Variants in B3GNT4 observed in about 807,000 individuals in gnomAD.
B3GNT4 encodes N-acetyllactosaminide beta-1,3-N-acetylglucosaminyltransferase 4.
A neutral mutation model predicts 2.7 loss-of-function variants in B3GNT4; 2 were observed. The observed-to-expected ratio is 0.73, with a 90% CI of 0.30 to 2.31. The LOEUF (loss-of-function observed/expected upper bound fraction) is 2.31, where lower values mean the gene tolerates loss of function less well. Among genes scored for constraint, B3GNT4 ranks in the 30% most tolerant of loss-of-function variants. B3GNT4 has a pLI of 0.12. For missense variants in B3GNT4, 708 were observed against 490.9 expected, an observed-to-expected ratio of 1.44 and a Z score of -4.18; for synonymous variants, 280 against 203.4, an observed-to-expected ratio of 1.38 and a Z score of -3.20.
chr12:122,207,132 T>G lies in B3GNT4; in HGVS notation c.881T>G (p.Ile294Ser). ...GCCACAGTGCGGCGCCTCCAGGCTA[T>G]CATGGAAGATGCTGAACTCTTCCCC... is the stretch of plus-strand genomic sequence containing the variant. The part of the protein sequence containing the change: ...SRATVRRLQA[I>S]MEDAELFPID... The change falls in exon 3 of 3, where the codon ATC becomes AGC. Residue 294 changes from isoleucine to serine, a missense_variant. Ile to Ser is a moderately radical substitution (Grantham distance 142). Transcript: ENST00000324189. The G allele has an allele frequency of 6.2e-7, 1 of 1,614,140 alleles. No individual in the cohort carries two copies. Among genetic ancestry groups the G allele is most frequent in the Middle Eastern group, 1.6e-4 (1 of 6,062 alleles).
rs1953922198 is a variant in B3GNT4, at chr12:122,206,636, G to C, written c.385G>C (p.Gly129Arg). ...GCTCCTGGCCATCAAGTCACAGCCT[G>C]GTCACGTGGAGCGACGTGCGGCTAT... is the stretch of plus-strand genomic sequence containing the variant. The part of the protein sequence containing the change: ...FLLLAIKSQP[G>R]HVERRAAIRS... The change falls in exon 3 of 3, where the codon GGT (glycine) becomes CGT (arginine). Residue 129 changes from glycine to arginine, a missense_variant. Coordinates refer to ENST00000324189, the MANE Select transcript of B3GNT4 (RefSeq NM_030765.4). 2 of 1,613,998 alleles carry C rather than the reference G, an allele frequency of 1.2e-6. No individual in the cohort carries two copies. The highest frequency in any genetic ancestry group is 1.7e-6 in the Non-Finnish European group (2 of 1,180,030).
In B3GNT4 at chr12:122,208,800, G is replaced by A. The variant is rs776122803; in HGVS notation, c.*1412G>A. 23 of 650,024 alleles carry A rather than the reference G, an allele frequency of 3.5e-5. No individual in the cohort carries two copies. Among genetic ancestry groups the A allele is most frequent in the Non-Finnish European group, 5.4e-5 (19 of 351,884 alleles). The allele number at this position is 650,024 out of a possible 1,614,324, so 40.3% of individuals were successfully genotyped here. ...ACAGCATTTTTCTTCAGCTGTCAGCGGCCAACATCACAATTATTAAATGCA... is the reference window on the plus strand; with the variant it reads ...ACAGCATTTTTCTTCAGCTGTCAGCAGCCAACATCACAATTATTAAATGCA... On this transcript the variant is annotated 3_prime_UTR_variant, in exon 3 of 3. Transcript: ENST00000324189.
intron 1 of B3GNT4, 140 bp downstream of exon 1, chr12:122,203,941 C>G (rs1000992958): frequency 6.6e-6 from 1 of 152,020 alleles, no homozygotes; most frequent in African/African-American, 2.4e-5. Context: ...ACGCCGGCCC[C>G]GCCCGGGTGC....
chr12:122,204,714 C>A (rs761492332), intron 2 of B3GNT4, 30 bp downstream of exon 2: 3 of 1,551,890 alleles, frequency 1.9e-6, no homozygotes, highest in Non-Finnish European at 2.7e-6. Flanking sequence ...TCTGCCAGAC[C>A]CCCTTGTCCC....
In B3GNT4 at chr12:122,208,413, A is replaced by C; in HGVS notation, c.*1025A>C. 1 of 1,612,800 alleles carries C rather than the reference A, an allele frequency of 6.2e-7. No homozygotes were observed. Among genetic ancestry groups the C allele is most frequent in the Non-Finnish European group, 8.5e-7 (1 of 1,179,882 alleles). On this transcript the variant is annotated 3_prime_UTR_variant, in exon 3 of 3. Transcript: ENST00000324189. ...TCACGCAGGTAGGCCTCCTGCTCCGACTCAGCCCGCTCCTCCCCTTCCTCC... is the reference window on the plus strand; with the variant it reads ...TCACGCAGGTAGGCCTCCTGCTCCGCCTCAGCCCGCTCCTCCCCTTCCTCC...
rs778246669 is a variant in B3GNT4, at chr12:122,208,114, G to C, written c.*726G>C. On this transcript the variant is annotated 3_prime_UTR_variant, in exon 3 of 3. Transcript: ENST00000324189. The stretch of plus-strand genomic sequence containing the variant: ...CAGGTAGGCAAAATGCTTTGGGTGT[G>C]AGGTAAAAAAAATGGGTAAGAGCAG... The C allele has an allele frequency of 3.0e-6, 2 of 657,596 alleles. No individual in the cohort carries two copies. The highest frequency in any genetic ancestry group is 3.0e-5 in the South Asian group (2 of 66,296). 40.7% of individuals were successfully genotyped at this position (657,596 alleles called of 1,614,324 possible).
intron 2 of B3GNT4, 171 bp from the exon 3 acceptor site, chr12:122,206,147 A>G (rs535810232): frequency 1.9e-4 from 110 of 566,158 alleles, no homozygotes; most frequent in African/African-American, 1.9e-3. Context: ...AGCTGTGCTT[A>G]GCCCATCCTC....
Position 122,206,535 on chromosome 12 carries a change from T to C in B3GNT4, c.284T>C (p.Leu95Pro). ...ASLSLPSRHR[L>P]FLTYRHCRNF... ...CTGTCCCTGCCTAGCCGTCACCGTC[T>C]CTTCTTGACCTATCGTCACTGCCGA... The change falls in exon 3 of 3, where the codon CTC becomes CCC. Residue 95 changes from leucine (L) to proline (P), a missense_variant. Leu to Pro is a moderately conservative substitution (Grantham distance 98). Transcript: ENST00000324189. 2 of 1,614,202 alleles carry C rather than the reference T, an allele frequency of 1.2e-6. No homozygotes were observed. The highest frequency in any genetic ancestry group is 1.7e-6 in the Non-Finnish European group (2 of 1,180,024).
In B3GNT4 at chr12:122,207,177, G is replaced by GT; in HGVS notation, c.927dup (p.Met310TyrfsTer34). 6.2e-7 allele frequency: 1 copy of GT among 1,614,050 alleles called. No individual in the cohort carries two copies. The highest frequency in any genetic ancestry group is 8.5e-7 in the Non-Finnish European group (1 of 1,180,012). ...TTCCCCATTGATGATGTCTTTGTGG[G>GT]TATGTGCCTGAGGCGGCTGGGGCTG... is the stretch of plus-strand genomic sequence containing the variant. On this transcript the variant is annotated frameshift_variant, in exon 3 of 3. Transcript: ENST00000324189. LOFTEE classifies it low-confidence loss of function (END_TRUNC).
rs142344142 is a variant in B3GNT4 at position 122,207,243 on chromosome 12, G to A, written c.992G>A (p.Arg331Gln). Residue 331 changes from arginine to glutamine, a missense_variant, in exon 3 of 3, where the codon CGG (arginine) becomes CAG (glutamine). By Grantham distance (43) the Arg-to-Gln change is conservative. Coordinates refer to ENST00000324189, the MANE Select transcript of B3GNT4 (RefSeq NM_030765.4). ...HHAGFKTFGI[R>Q]RPLDPLDPCL... ...GCTGGCTTCAAGACATTTGGAATCC[G>A]GCGGCCCCTGGACCCCTTAGACCCC... is the stretch of plus-strand genomic sequence containing the variant. The A allele has an allele frequency of 2.0e-4, 321 of 1,614,090 alleles. 2 individuals carry two copies. The African/African-American group carries it at 3.3e-3, about 16-fold the overall frequency.
At position 122,208,327 on chromosome 12, in the gene B3GNT4, A is replaced by G. The variant is rs7294427; in HGVS notation, c.*939A>G. 0.041 allele frequency: 65,914 copies of G among 1,597,692 alleles called. 12,184 individuals are homozygous for G. The African/African-American group carries it at 0.55, about 13-fold the overall frequency. On this transcript the variant is annotated 3_prime_UTR_variant, in exon 3 of 3. Coordinates refer to ENST00000324189, the MANE Select transcript of B3GNT4 (RefSeq NM_030765.4). Reference sequence around the variant, plus strand: ...TCATGCCAACCCTGGGCAGGGTGGCATCTGCCCCTGCTTTCCCCACTGAGT... The same window carrying G: ...TCATGCCAACCCTGGGCAGGGTGGCGTCTGCCCCTGCTTTCCCCACTGAGT...
At chr12:122,205,938 G>A (rs527492609) in intron 2 of B3GNT4, 6 of 211,690 alleles carry the variant, frequency 2.8e-5, no homozygotes, top group African/African-American at 1.4e-4. Flanking sequence ...GAAAAGCCCT[G>A]AATGTCAGTT....
Position 122,208,668 on chromosome 12 carries a change from C to G in B3GNT4, c.*1280C>G, listed in dbSNP as rs1953999801. The G allele has an allele frequency of 7.6e-7, 1 of 1,323,814 alleles. No individual in the cohort carries two copies. The allele number at this position is 1,323,814 out of a possible 1,614,324, so 82.0% of individuals were successfully genotyped here. A position where few individuals can be genotyped will look rare whatever the true frequency, so the allele number is the denominator to read the frequency against. On this transcript the variant is annotated 3_prime_UTR_variant, in exon 3 of 3. Transcript: ENST00000324189. ...GGCCTGGGGGTGCTGTGGCTGTCAT[C>G]TGAACCCCTCTTGGGGTCACTTTCC...
At position 122,207,179 on chromosome 12, in the gene B3GNT4, A is replaced by T; in HGVS notation, c.928A>T (p.Met310Leu). The T allele has an allele frequency of 5.0e-6, 8 of 1,614,002 alleles. No homozygotes were observed. Among genetic ancestry groups the T allele is most frequent in the Non-Finnish European group, 5.9e-6 (7 of 1,180,000 alleles). The part of the protein sequence containing the change: ...LFPIDDVFVG[M>L]CLRRLGLSPM... ...CCCCATTGATGATGTCTTTGTGGGT[A>T]TGTGCCTGAGGCGGCTGGGGCTGAG... is the stretch of plus-strand genomic sequence containing the variant. Residue 310 changes from methionine (M) to leucine (L), a missense_variant, in exon 3 of 3, where the codon ATG becomes TTG. By Grantham distance (15) the Met-to-Leu change is conservative. Transcript: ENST00000324189.
chr12:122,204,440 C>G lies in B3GNT4; in HGVS notation c.-97-82C>G, dbSNP rs1331021090. On this transcript the variant is annotated intron_variant, in intron 1 of 2. Transcript: ENST00000324189. ...GCCGCGGCGCAGCCTGGGCTGAAACCTCCTGGGACGGAACCAAGCCACCTG... is the reference window on the plus strand; with the variant it reads ...GCCGCGGCGCAGCCTGGGCTGAAACGTCCTGGGACGGAACCAAGCCACCTG... 1.4e-5 allele frequency: 9 copies of G among 648,430 alleles called. No homozygotes were observed. The Admixed American group carries it at 1.8e-4, about 13-fold the overall frequency. 40.2% of individuals were successfully genotyped at this position (648,430 alleles called of 1,614,324 possible).
chr12:122,204,567 C>CGCG lies in B3GNT4; in HGVS notation c.-50_-49insGGC. 3.9e-6 allele frequency: 6 copies of CGCG among 1,519,454 alleles called. No individual in the cohort carries two copies. Among genetic ancestry groups the CGCG allele is most frequent in the Non-Finnish European group, 5.4e-6 (6 of 1,101,050 alleles). The allele number at this position is 1,519,454 out of a possible 1,614,324, so 94.1% of individuals were successfully genotyped here. Reference sequence around the variant, plus strand: ...GAGACTCATCTCGCTTCGACCCCGCCGCCGCCGCCGCCCGGCATCCTGAGC... The same window carrying CGCG: ...GAGACTCATCTCGCTTCGACCCCGCCGCGGCCGCCGCCGCCCGGCATCCTGAGC... On this transcript the variant is annotated 5_prime_UTR_variant, in exon 2 of 3. Coordinates refer to ENST00000324189, the MANE Select transcript of B3GNT4 (RefSeq NM_030765.4).
chr12:122,205,292 A>G (rs1392046936), intron 2 of B3GNT4: 1 of 153,026 alleles, frequency 6.5e-6, no homozygotes, highest in Non-Finnish European at 1.5e-5. Context: ...AATTCTCTGC[A>G]TTAGACTGTA....
At chr12:122,204,882 T>C (rs1320267980) in intron 2 of B3GNT4, 198 bp downstream of exon 2, 7 of 573,104 alleles carry the variant, frequency 1.2e-5, no homozygotes, top group Admixed American at 3.1e-5. Flanking sequence ...CTACAAAAAA[T>C]AAATTAGCCG....
chr12:122,206,796 T>G lies in B3GNT4; in HGVS notation c.545T>G (p.Leu182Arg). The G allele has an allele frequency of 1.9e-6, 3 of 1,609,990 alleles. No homozygotes were observed. The part of the protein sequence containing the change: ...AYESREFDDI[L>R]QWDFTEDFFN... The stretch of plus-strand genomic sequence containing the variant: ...GAGAGTAGGGAGTTTGATGACATCC[T>G]CCAGTGGGACTTCACTGAGGACTTC... The change falls in exon 3 of 3, where the codon CTC (leucine) becomes CGC (arginine). Residue 182 changes from leucine to arginine, a missense_variant. Physicochemically the swap from Leu to Arg is moderately radical, Grantham distance 102. Transcript: ENST00000324189.
Sources: gnomAD v4.1 joint callset for allele counts on GRCh38, gnomAD v4.1.1 for gene constraint, MANE v1.5 for transcripts, NCBI Gene and HGNC (gene_info 2026-07-23, HGNC 2026-07-21) for gene names.